Variants in SYN3 observed in about 807,000 individuals in gnomAD.
SYN3 encodes synapsin-3.
A neutral mutation model predicts 65.8 loss-of-function variants in SYN3; 35 were observed. The observed-to-expected ratio is 0.53, with a 90% confidence interval of 0.41 to 0.70. SYN3 has a LOEUF of 0.70. Among genes scored for constraint, SYN3 ranks in the 30% least tolerant of loss-of-function variants. The pLI is 0.00. For synonymous variants in SYN3, 270 were observed against 292.9 expected, an observed-to-expected ratio of 0.92 and a Z score of 0.80; for missense variants, 680 against 749.0, an observed-to-expected ratio of 0.91 and a Z score of 1.08.
chr22:32,985,315 G>A (rs2052491412), intron 2 of SYN3, among the ~76,000 whole-genome samples: 1 of 152,202 alleles, frequency 6.6e-6, no homozygotes, highest in African/African-American at 2.4e-5. Flanking sequence ...TGGGTGCTGT[G>A]TGCTGGGGAC....
At chr22:32,638,572 G>T (rs1003737821) in intron 6 of SYN3, among the ~76,000 whole-genome samples, 3 of 152,188 alleles carry the variant, frequency 2.0e-5, no homozygotes, top group African/African-American at 7.2e-5. Flanking sequence ...GTGATGATGA[G>T]CAGTTTTTCA....
chr22:32,652,292 C>T (rs777021952), intron 6 of SYN3, among the ~76,000 whole-genome samples: 3 of 151,982 alleles, frequency 2.0e-5, no homozygotes, highest in African/African-American at 4.8e-5. Context: ...TTCTCAGGCC[C>T]AGCAGGTTCT....
At chr22:32,953,325 G>A (rs943691479) in intron 3 of SYN3, among the ~76,000 whole-genome samples, 2 of 152,084 alleles carry the variant, frequency 1.3e-5, no homozygotes, top group African/African-American at 4.8e-5. Flanking sequence ...GAAAGTAACA[G>A]AAAAAATTCC....
intron 7 of SYN3, chr22:32,584,184 T>G (rs1222685309): frequency 6.6e-6 from 1 of 152,278 alleles, no homozygotes; most frequent in South Asian, 2.1e-4. Flanking sequence ...GTATGATTAT[T>G]AAACTCTTTC....
At chr22:32,596,561 C>T (rs2059202882) in intron 7 of SYN3, 113 bp downstream of exon 7, 2 of 1,051,024 alleles carry the variant, frequency 1.9e-6, no homozygotes, top group Non-Finnish European at 2.8e-6. Flanking sequence ...TTCTAACACT[C>T]TGTTCTGGGT....
intron 6 of SYN3, among the ~76,000 whole-genome samples, chr22:32,737,465 C>T (rs570823647): frequency 6.6e-6 from 1 of 152,138 alleles, no homozygotes; most frequent in Non-Finnish European, 1.5e-5. Flanking sequence ...ATCCCTCCCC[C>T]TCCCCCAACC....
At chr22:32,650,244 TCCCTCCCTCCCTCC>T (rs2060046339) in intron 6 of SYN3, among the ~76,000 whole-genome samples, 1 of 40,698 alleles carries the variant, frequency 2.5e-5, no homozygotes. Context: ...CCTCCCTCCC[TCCCTCCCTCCCTCC>T]CTCTCTCTCT....
At chr22:32,757,021 T>G (rs1260281305) in intron 6 of SYN3, among the ~76,000 whole-genome samples, 2 of 149,980 alleles carry the variant, frequency 1.3e-5, no homozygotes, top group Non-Finnish European at 3.0e-5. Flanking sequence ...CAAAGTATAA[T>G]TGTCCCTTAA....
intron 6 of SYN3, among the ~76,000 whole-genome samples, chr22:32,767,309 T>C (rs2045652421): frequency 6.6e-6 from 1 of 152,206 alleles, no homozygotes; most frequent in Non-Finnish European, 1.5e-5. Flanking sequence ...TGGTTACTGC[T>C]TTCATGTCCC....
chr22:32,565,955 G>A (rs1236738131), intron 7 of SYN3, among the ~76,000 whole-genome samples: 2 of 151,938 alleles, frequency 1.3e-5, no homozygotes, highest in African/African-American at 2.4e-5. Flanking sequence ...CTGGTGATCT[G>A]CCCGCCTCGG....
intron 6 of SYN3, among the ~76,000 whole-genome samples, chr22:32,688,192 A>G (rs1355876256): frequency 1.3e-5 from 2 of 152,108 alleles, no homozygotes; most frequent in Admixed American, 6.6e-5. Flanking sequence ...CCCCACTTCC[A>G]TGTTGGGCAT....
intron 4 of SYN3, among the ~76,000 whole-genome samples, chr22:32,930,078 A>G (rs2050584298): frequency 6.6e-6 from 1 of 152,218 alleles, no homozygotes; most frequent in Non-Finnish European, 1.5e-5. Flanking sequence ...TTCATGGCAT[A>G]CAGTAGGCAC....
chr22:32,896,846 T>C (rs940763618), intron 4 of SYN3, among the ~76,000 whole-genome samples: 4 of 152,204 alleles, frequency 2.6e-5, no homozygotes, highest in African/African-American at 7.2e-5. Context: ...CCTGAGATGA[T>C]ACAAGTGAAC....
At chr22:32,899,311 C>A (rs773961525) in intron 4 of SYN3, among the ~76,000 whole-genome samples, 171 of 152,256 alleles carry the variant, frequency 1.1e-3, no homozygotes, top group Non-Finnish European at 2.1e-3. Context: ...ACATATTGAG[C>A]ACTTACTATA....
intron 6 of SYN3, among the ~76,000 whole-genome samples, chr22:32,650,262 T>TCCCTCCCC (rs1569124814): frequency 5.5e-5 from 4 of 73,374 alleles, no homozygotes; most frequent in African/African-American, 3.3e-4. Context: ...TCCCTCCCTC[T>TCCCTCCCC]CTCTCTCTCT....
chr22:32,558,534 G>A (rs1367793377), intron 7 of SYN3, among the ~76,000 whole-genome samples: 1 of 152,210 alleles, frequency 6.6e-6, no homozygotes, highest in African/African-American at 2.4e-5. Context: ...GAGGATGGAG[G>A]CAACTTTTCC....
chr22:32,993,753 C>T (rs470004), intron 2 of SYN3, among the ~76,000 whole-genome samples: 55,700 of 151,974 alleles, frequency 0.37, 10,477 homozygotes, highest in Non-Finnish European at 0.4. Flanking sequence ...GGGCCATGCT[C>T]CTAGGCCAAC....
chr22:32,778,536 C>T (rs1299236019), intron 6 of SYN3, among the ~76,000 whole-genome samples: 1 of 152,154 alleles, frequency 6.6e-6, no homozygotes, highest in Non-Finnish European at 1.5e-5. Flanking sequence ...TTGTGATCCA[C>T]ACACCTTGGC....
At chr22:32,907,149 A>G (rs2049924117) in intron 4 of SYN3, among the ~76,000 whole-genome samples, 1 of 152,202 alleles carries the variant, frequency 6.6e-6, no homozygotes, top group Non-Finnish European at 1.5e-5. Context: ...ATTTATATCT[A>G]TTGTGTGCTC....
Sources: allele counts gnomAD v4.1 joint callset (sites outside exome capture counted in the v4.1 genomes callset), GRCh38; gene constraint gnomAD v4.1.1; transcripts MANE v1.5; gene names NCBI Gene and HGNC (gene_info 2026-07-23, HGNC 2026-07-21).